SLC3A1: variants seen among roughly 807,000 people sequenced by gnomAD.
The protein encoded by SLC3A1 is solute carrier family 3 member 1.
A neutral mutation model predicts 60.3 loss-of-function variants in SLC3A1; 78 were observed. The observed-to-expected ratio is 1.29, with a 90% CI of 1.08 to 1.56. The LOEUF (loss-of-function observed/expected upper bound fraction) is 1.56. Among genes scored for constraint, SLC3A1 ranks in the 40% most tolerant of loss-of-function variants. SLC3A1 has a pLI of 0.00. For missense variants in SLC3A1, 1,172 were observed against 858.9 expected, an observed-to-expected ratio of 1.36 and a Z score of -4.56; for synonymous variants, 392 against 307.9, an observed-to-expected ratio of 1.27 and a Z score of -2.86.
chr2:44,305,723 C>G (rs1572809495), intron 7 of SLC3A1, among the ~76,000 whole-genome samples: 3 of 152,146 alleles, frequency 2.0e-5, no homozygotes, highest in South Asian at 4.1e-4. Context: ...GCCACCACTC[C>G]TGGCCCTTCC....
intron 4 of SLC3A1, among the ~76,000 whole-genome samples, chr2:44,296,442 G>A (rs1241507153): frequency 6.6e-6 from 1 of 152,160 alleles, no homozygotes; most frequent in East Asian, 1.9e-4. Context: ...AAAAGATAAA[G>A]GCACTAGTAA....
chr2:44,293,511 C>T (rs564110228), intron 4 of SLC3A1, among the ~76,000 whole-genome samples: 22 of 99,454 alleles, frequency 2.2e-4, no homozygotes, highest in Admixed American at 1.9e-3. Context: ...AGCAAGACAC[C>T]GTTTTAGGGG....
At chr2:44,316,362 G>T (rs909489126) in intron 9 of SLC3A1, 1 of 152,156 alleles carries the variant, frequency 6.6e-6, no homozygotes, top group Admixed American at 6.5e-5. Flanking sequence ...AAGTATAAAA[G>T]ACTGTCAAAC....
chr2:44,290,492 G>A (rs1034769689), intron 4 of SLC3A1, among the ~76,000 whole-genome samples: 2 of 152,272 alleles, frequency 1.3e-5, no homozygotes, highest in Middle Eastern at 3.4e-3. Context: ...GATAGGGATT[G>A]CATTGAATCT....
intron 9 of SLC3A1, chr2:44,318,872 G>A (rs774262334): frequency 6.6e-5 from 10 of 152,132 alleles, no homozygotes; most frequent in African/African-American, 2.4e-4. Flanking sequence ...CAAAAATCAT[G>A]ACTACGCATC....
At chr2:44,276,018 G>A in intron 1 of SLC3A1, 53 bp downstream of exon 1, 1 of 1,544,184 alleles carries the variant, frequency 6.5e-7, no homozygotes, top group Non-Finnish European at 9.0e-7. Context: ...TTGGTTTATG[G>A]TTCTTTTGTT....
At chr2:44,311,110 T>G (rs964218287) in intron 7 of SLC3A1, among the ~76,000 whole-genome samples, 4 of 152,208 alleles carry the variant, frequency 2.6e-5, no homozygotes, top group African/African-American at 9.7e-5. Context: ...CTTCTTTTTC[T>G]TTCTGGTTCT....
At chr2:44,304,793 G>C (rs1169070931) in intron 7 of SLC3A1, among the ~76,000 whole-genome samples, 1 of 141,320 alleles carries the variant, frequency 7.1e-6, no homozygotes, top group Non-Finnish European at 1.5e-5. Context: ...TCCCCCTTCT[G>C]TACTACACTC....
chr2:44,300,695 T>C (rs573530272), intron 5 of SLC3A1, among the ~76,000 whole-genome samples: 1 of 152,338 alleles, frequency 6.6e-6, no homozygotes, highest in South Asian at 2.1e-4. Context: ...GATCTTTTTT[T>C]TTGTTTTTAA....
chr2:44,320,123 C>T (rs1427831324), intron 9 of SLC3A1, 76 bp from the exon 10 acceptor site: 4 of 1,333,870 alleles, frequency 3.0e-6, no homozygotes, highest in Non-Finnish European at 1.0e-6. Context: ...TAAATAACTC[C>T]TTACAATATA....
intron 6 of SLC3A1, among the ~76,000 whole-genome samples, chr2:44,301,959 G>A (rs573233061): frequency 1.2e-4 from 18 of 152,248 alleles, no homozygotes; most frequent in African/African-American, 3.9e-4. Context: ...GGAGGCTGAG[G>A]CAGGAGAATT....
rs773092176 is a variant in SLC3A1, at chr2:44,304,374, G to C, written c.1332+36G>C. ...ATGACAGCAGAGTACATAATGTGCT[G>C]CTGTTGCCTTTGCTGTCCAGTTATC... On this transcript the variant is annotated intron_variant, in intron 7 of 9. Transcript: ENST00000260649. 18 of 1,525,034 alleles carry C rather than the reference G, an allele frequency of 1.2e-5. No individual in the cohort carries two copies. The African/African-American group carries it at 1.9e-4, about 16-fold the overall frequency. 94.5% of individuals were successfully genotyped at this position (1,525,034 alleles called of 1,614,324 possible).
chr2:44,292,882 T>A (rs1486292640), intron 4 of SLC3A1, among the ~76,000 whole-genome samples: 1 of 152,128 alleles, frequency 6.6e-6, no homozygotes. Flanking sequence ...GGTATTTATT[T>A]TTTATTTTTA....
intron 9 of SLC3A1, chr2:44,316,430 C>T (rs1438568260): frequency 2.0e-5 from 3 of 151,962 alleles, no homozygotes; most frequent in African/African-American, 7.3e-5. Context: ...GATCCAGGGG[C>T]TTGTCCAGAA....
chr2:44,321,615 T>C, downstream of SLC3A1: 1 of 1,480,304 alleles, frequency 6.8e-7, no homozygotes, highest in Non-Finnish European at 8.9e-7. Flanking sequence ...TAAGATTAAA[T>C]TATTTTCTTT....
intron 7 of SLC3A1, among the ~76,000 whole-genome samples, chr2:44,308,707 ATAGT>A (rs1210005458): frequency 5.9e-5 from 9 of 151,850 alleles, no homozygotes; most frequent in Admixed American, 3.9e-4. Flanking sequence ...TTCGTTTCTA[ATAGT>A]TTATTGTGAA....
intron 9 of SLC3A1, chr2:44,317,596 G>C (rs185021186): frequency 1.3e-5 from 2 of 152,414 alleles, no homozygotes; most frequent in Non-Finnish European, 2.9e-5. Flanking sequence ...TCTAGACATT[G>C]AGAAACATTA....
Position 44,320,442 on chromosome 2 carries a change from A to C in SLC3A1, c.1861A>C (p.Arg621=). The change falls in exon 10 of 10, where the codon AGG becomes CGG. Residue 621 remains arginine (R), a synonymous_variant. Coordinates refer to ENST00000260649, the MANE Select transcript of SLC3A1 (RefSeq NM_000341.4). The part of the protein sequence containing the change: ...ISGLPAKMRI[R]LSTNSADKGS... ...GGGCCTTCCCGCTAAAATGAGAATAAGGTTAAGTACCAATTCTGCCGACAA... is the reference window on the plus strand; with the variant it reads ...GGGCCTTCCCGCTAAAATGAGAATACGGTTAAGTACCAATTCTGCCGACAA... The C allele has an allele frequency of 6.2e-7, 1 of 1,614,120 alleles. No homozygotes were observed. The highest frequency in any genetic ancestry group is 8.5e-7 in the Non-Finnish European group (1 of 1,179,962).
intron 4 of SLC3A1, among the ~76,000 whole-genome samples, chr2:44,299,738 T>C (rs983519107): frequency 2.6e-5 from 4 of 152,206 alleles, no homozygotes; most frequent in African/African-American, 9.6e-5. Context: ...ATGTAACTAA[T>C]TGTAATTCTG....
Sources: gnomAD v4.1 joint callset for allele counts (sites outside exome capture counted in the v4.1 genomes callset) on GRCh38, gnomAD v4.1.1 for gene constraint, MANE v1.5 for transcripts, NCBI Gene and HGNC (gene_info 2026-07-23, HGNC 2026-07-21) for gene names.